Variants in SCN10A observed in about 807,000 individuals in gnomAD.
The protein encoded by SCN10A is sodium channel protein type 10 subunit alpha.
SCN10A carries 162 observed loss-of-function variants against 170.7 expected under a neutral mutation model. The ratio of observed to expected loss-of-function variants is 0.95; its 90% CI spans 0.84 to 1.08. The LOEUF is 1.08. SCN10A is among the 50% of genes least tolerant of loss of function. The pLI, the probability that SCN10A is intolerant of heterozygous loss-of-function variation, is 0.00. For missense variants in SCN10A, 2,527 were observed against 2,436.9 expected, an observed-to-expected ratio of 1.04 and a Z score of -0.78; for synonymous variants, 985 against 904.6, an observed-to-expected ratio of 1.09 and a Z score of -1.59.
intron 15 of SCN10A, among the ~76,000 whole-genome samples, chr3:38,734,088 C>T (rs1192068621): frequency 6.6e-6 from 1 of 152,232 alleles, no homozygotes; most frequent in African/African-American, 2.4e-5. Context: ...GTGGCATGAT[C>T]TCAGCTCACT....
Position 38,793,743 on chromosome 3 carries a change from G to T in SCN10A, c.268C>A (p.Arg90=), listed in dbSNP as rs144270136. 1.9e-6 allele frequency: 3 copies of T among 1,612,642 alleles called. No homozygotes were observed. Among genetic ancestry groups the T allele is most frequent in the South Asian group, 1.1e-5 (1 of 91,002 alleles). Reference sequence around the variant, plus strand: ...ACATTCCTACTAGTAGCTCTTACCCGGTGTGTGCTGTAGAACGGATCTAGA... The same window carrying T: ...ACATTCCTACTAGTAGCTCTTACCCTGTGTGTGCTGTAGAACGGATCTAGA... ...EDLDPFYSTH[R]TFMVLNKGRT... The change falls in exon 2 of 28, where the codon CGG becomes AGG. Residue 90 remains arginine, a splice_region_variant and synonymous_variant. Coordinates refer to ENST00000449082, the MANE Select transcript of SCN10A (RefSeq NM_006514.4).
rs7374804 is a variant in SCN10A at position 38,726,843 on chromosome 3, T to C, written c.2850A>G (p.Lys950=). 0.075 allele frequency: 121,707 copies of C among 1,613,522 alleles called. 5,696 individuals carry two copies. The highest frequency in any genetic ancestry group is 0.24 in the East Asian group (10,752 of 44,838). ...QPKAEPELVV[K]LPLSSSKAEN... ...CAGCCTTGGAGCTGGAGAGTGGGAG[T>C]TTCACCACCAGCTCAGGCTCTGCCT... Residue 950 remains lysine, a synonymous_variant, in exon 17 of 28, where the codon AAA becomes AAG. Coordinates refer to ENST00000449082, the MANE Select transcript of SCN10A (RefSeq NM_006514.4).
At position 38,698,132 on chromosome 3, in the gene SCN10A, G is replaced by A. The variant is rs780475560; in HGVS notation, c.5088C>T (p.Ala1696=). Residue 1696 remains alanine (A), a synonymous_variant, in exon 28 of 28, where the codon GCC becomes GCT. Coordinates refer to ENST00000449082, the MANE Select transcript of SCN10A (RefSeq NM_006514.4). ...NGTRGDCGSP[A]VGIIFFTTYI... Reference sequence around the variant, plus strand: ...AGGTGGTGAAGAAGATGATGCCTACGGCTGGGCTCCCACAGTCCCCTCTGG... The same window carrying A: ...AGGTGGTGAAGAAGATGATGCCTACAGCTGGGCTCCCACAGTCCCCTCTGG... The A allele has an allele frequency of 9.3e-6, 15 of 1,614,126 alleles. No individual in the cohort carries two copies. The East Asian group carries it at 1.8e-4, about 19-fold the overall frequency.
At chr3:38,793,118 C>T (rs1217233494) in intron 2 of SCN10A, among the ~76,000 whole-genome samples, 3 of 151,634 alleles carry the variant, frequency 2.0e-5, no homozygotes, top group Non-Finnish European at 4.4e-5. Context: ...AAATTCAAAA[C>T]TCAGGAAATT....
In SCN10A at chr3:38,709,336, C is replaced by A. The variant is rs530941689; in HGVS notation, c.4281+142G>T. 116 of 711,906 alleles carry A rather than the reference C, an allele frequency of 1.6e-4. No homozygotes were observed. In the Admixed American group the frequency reaches 3.5e-3, roughly 21 times the overall value. 44.1% of individuals were successfully genotyped at this position (711,906 alleles called of 1,614,324 possible). On this transcript the variant is annotated intron_variant, in intron 25 of 27. Coordinates refer to ENST00000449082, the MANE Select transcript of SCN10A (RefSeq NM_006514.4). ...GCAACTCTTCCTGCAACAGCAATCACAGGGCAAGGGTTAGCACTGATATTA... is the reference window on the plus strand; with the variant it reads ...GCAACTCTTCCTGCAACAGCAATCAAAGGGCAAGGGTTAGCACTGATATTA...
intron 12 of SCN10A, among the ~76,000 whole-genome samples, chr3:38,751,933 G>A (rs1301929650): frequency 6.6e-6 from 1 of 152,190 alleles, no homozygotes; most frequent in Non-Finnish European, 1.5e-5. Flanking sequence ...AGGCAGTGAT[G>A]TTGAGTGGGG....
Position 38,742,421 on chromosome 3 carries a change from A to G in SCN10A, c.1976T>C (p.Phe659Ser), listed in dbSNP as rs753826066. The change falls in exon 14 of 28, where the codon TTT (phenylalanine) becomes TCT (serine). Residue 659 changes from phenylalanine (F) to serine (S), a missense_variant. Phe to Ser is a radical substitution (Grantham distance 155). Coordinates refer to ENST00000449082, the MANE Select transcript of SCN10A (RefSeq NM_006514.4). ...PMWVKLKTILFGLVTDPFAEL... is the reference protein window; with the variant it reads ...PMWVKLKTILSGLVTDPFAEL... ...TGCAAAGGGATCCGTCACAAGCCCA[A>G]AGAGAATTGTCTTGAGCTTCACCCA... The G allele has an allele frequency of 6.2e-7, 1 of 1,614,170 alleles. No individual in the cohort carries two copies. Among genetic ancestry groups the G allele is most frequent in the South Asian group, 1.1e-5 (1 of 91,076 alleles).
intron 25 of SCN10A, among the ~76,000 whole-genome samples, chr3:38,708,129 C>T (rs1352518572): frequency 2.0e-5 from 3 of 152,100 alleles, no homozygotes; most frequent in Non-Finnish European, 4.4e-5. Context: ...GGAAACTGGG[C>T]TGAGATCTGT....
chr3:38,746,063 G>GTGTATATATATATGTGTGTATATA (rs1293476818), intron 13 of SCN10A, among the ~76,000 whole-genome samples: 1 of 61,626 alleles, frequency 1.6e-5, no homozygotes, highest in African/African-American at 4.8e-5. Context: ...GTGTGTATGT[G>GTGTATATATATATGTGTGTATATA]TATATATATA....
chr3:38,699,797 G>T (rs868641991), intron 27 of SCN10A, among the ~76,000 whole-genome samples: 2 of 152,120 alleles, frequency 1.3e-5, no homozygotes, highest in Non-Finnish European at 1.5e-5. Context: ...AGGGAGAATG[G>T]TTCCTCGTAC....
At chr3:38,769,871 T>A (rs1575165680) in intron 5 of SCN10A, among the ~76,000 whole-genome samples, 1 of 152,088 alleles carries the variant, frequency 6.6e-6, no homozygotes, top group African/African-American at 2.4e-5. Context: ...GGCTCTGGGG[T>A]AGTACTGGGA....
chr3:38,805,156 T>C (rs555310017), intron 1 of SCN10A, among the ~76,000 whole-genome samples: 3 of 152,174 alleles, frequency 2.0e-5, no homozygotes, highest in Non-Finnish European at 4.4e-5. Context: ...AGGTTCATTA[T>C]CTGCATGGTA....
chr3:38,742,220 A>T (rs1156801661), intron 14 of SCN10A, 71 bp downstream of exon 14: 2 of 1,099,706 alleles, frequency 1.8e-6, no homozygotes, highest in African/African-American at 3.1e-5. Flanking sequence ...CCCCACCCGA[A>T]CTGCACCCTG....
In SCN10A at chr3:38,752,199, T is replaced by C. The variant is rs1261634429; in HGVS notation, c.1755+20A>G. Reference sequence around the variant, plus strand: ...AGGTGGAAGACAGCCTGAGGGAGTCTGAAGCATTCACAAACTCACCGAGAC... The same window carrying C: ...AGGTGGAAGACAGCCTGAGGGAGTCCGAAGCATTCACAAACTCACCGAGAC... On this transcript the variant is annotated intron_variant, in intron 12 of 27. Coordinates refer to ENST00000449082, the MANE Select transcript of SCN10A (RefSeq NM_006514.4). 6.7e-7 allele frequency: 1 copy of C among 1,495,030 alleles called. No individual in the cohort carries two copies. Among genetic ancestry groups the C allele is most frequent in the Non-Finnish European group, 8.9e-7 (1 of 1,121,266 alleles). The allele number at this position is 1,495,030 out of a possible 1,614,324, so 92.6% of individuals were successfully genotyped here.
intron 21 of SCN10A, among the ~76,000 whole-genome samples, chr3:38,718,402 G>A (rs1432188750): frequency 6.6e-6 from 1 of 152,328 alleles, no homozygotes; most frequent in African/African-American, 2.4e-5. Flanking sequence ...AAATGCAGAG[G>A]ATTGCAGGGA....
chr3:38,811,160 A>G (rs1323352496), intron 1 of SCN10A, among the ~76,000 whole-genome samples: 2 of 152,212 alleles, frequency 1.3e-5, no homozygotes, highest in African/African-American at 4.8e-5. Context: ...AATCGTAATA[A>G]TAGAACTACA....
At chr3:38,724,439 T>C (rs1169907556) in intron 18 of SCN10A, among the ~76,000 whole-genome samples, 1 of 152,254 alleles carries the variant, frequency 6.6e-6, no homozygotes, top group African/African-American at 2.4e-5. Context: ...TCTTTCCCTA[T>C]AGCTTGTTTC....
At chr3:38,711,186 A>G (rs1181291135) in intron 23 of SCN10A, among the ~76,000 whole-genome samples, 4 of 152,242 alleles carry the variant, frequency 2.6e-5, no homozygotes, top group Non-Finnish European at 5.9e-5. Context: ...TCTAGTGCCA[A>G]TTGCTACAAG....
chr3:38,804,002 ATAT>A (rs1158815933), intron 1 of SCN10A, among the ~76,000 whole-genome samples: 2 of 151,924 alleles, frequency 1.3e-5, no homozygotes, highest in Non-Finnish European at 2.9e-5. Context: ...GACTGCTATT[ATAT>A]CTTCTTAACT....
Sources: gnomAD v4.1 joint callset for allele counts (sites outside exome capture counted in the v4.1 genomes callset) on GRCh38, gnomAD v4.1.1 for gene constraint, MANE v1.5 for transcripts, NCBI Gene and HGNC (gene_info 2026-07-23, HGNC 2026-07-21) for gene names.